Variants in RBFOX1 observed in about 807,000 individuals in gnomAD.
RBFOX1 encodes the protein RNA binding protein fox-1 homolog 1.
Under a neutral mutation model 57.7 loss-of-function variants are expected in RBFOX1, and 8 were observed. The observed-to-expected ratio is 0.14, with a 90% CI of 0.08 to 0.25. The LOEUF is 0.25. Ranked by LOEUF, RBFOX1 falls within the 10% of genes least tolerant of loss-of-function variation. The pLI is 1.00. For missense variants in RBFOX1, 611 were observed against 548.5 expected, an observed-to-expected ratio of 1.11 and a Z score of -1.14; for synonymous variants, 326 against 222.4, an observed-to-expected ratio of 1.47 and a Z score of -4.15.
At chr16:6,295,462 G>C (rs1391837769) in intron 1 of RBFOX1, among the ~76,000 whole-genome samples, 2 of 152,122 alleles carry the variant, frequency 1.3e-5, no homozygotes, top group Non-Finnish European at 2.9e-5. Flanking sequence ...TGTATGCTCA[G>C]CCTTCCAGCC....
At chr16:6,109,060 A>G (rs1343384194) in intron 1 of RBFOX1, among the ~76,000 whole-genome samples, 1 of 152,222 alleles carries the variant, frequency 6.6e-6, no homozygotes, top group Non-Finnish European at 1.5e-5. Flanking sequence ...TGGGTTAGAA[A>G]TAAAACTTGA....
intron 4 of RBFOX1, among the ~76,000 whole-genome samples, chr16:7,112,612 G>C (rs1034462404): frequency 1.1e-4 from 16 of 151,474 alleles, no homozygotes; most frequent in South Asian, 1.0e-3. Context: ...ATAAATAATG[G>C]CTGAGGCTGA....
chr16:7,292,833 G>A lies in RBFOX1; in HGVS notation c.28-225314G>A, dbSNP rs114452505. On this transcript the variant is annotated intron_variant, in intron 4 of 15. Coordinates refer to ENST00000550418, the MANE Select transcript of RBFOX1 (RefSeq NM_018723.4). ...AGCACAATAGGTCTTGTAATGGAGC[G>A]TACAGGTTTGGTTTGGAAAGATGGC... 3.2e-3 allele frequency among the ~76,000 whole-genome samples: 484 copies of A among 152,152 alleles called. 1 individual carries two copies. The highest frequency in any genetic ancestry group is 0.011 in the African/African-American group (443 of 41,500).
At chr16:7,331,881 C>A (rs1461935292) in intron 4 of RBFOX1, among the ~76,000 whole-genome samples, 1 of 152,046 alleles carries the variant, frequency 6.6e-6, no homozygotes. Context: ...TAACATATCC[C>A]AAATGATTGC....
At position 6,181,252 on chromosome 16, in the gene RBFOX1, C is replaced by T. The variant is rs140202727; in HGVS notation, c.-126-135743C>T. ...GAAAACACATGAGCTCCTTTTGGAC[C>T]ATGGCAACTGAGCTGCCAGTACTCA... On this transcript the variant is annotated intron_variant, in intron 1 of 15. Transcript: ENST00000550418. Among the ~76,000 whole-genome samples the T allele has an allele frequency of 4.9e-3, 742 of 152,264 alleles. 6 individuals carry two copies. The highest frequency in any genetic ancestry group is 7.1e-3 in the Non-Finnish European group (480 of 68,030).
rs952496246 is a variant in RBFOX1 at position 7,466,074 on chromosome 16, T to C, written c.28-52073T>C. ...TTGGAGTAAACCTGCTCAGAGACTT[T>C]CTCCAGGATTAGCTAGCCCTGGGGC... is the stretch of plus-strand genomic sequence containing the variant. On this transcript the variant is annotated intron_variant, in intron 4 of 15. Transcript: ENST00000550418. 5.9e-5 allele frequency among the ~76,000 whole-genome samples: 9 copies of C among 152,274 alleles called. No individual in the cohort carries two copies. In the East Asian group the frequency reaches 1.5e-3, roughly 26 times the overall value.
intron 1 of RBFOX1, among the ~76,000 whole-genome samples, chr16:5,329,329 A>C (rs1567341257): frequency 6.6e-6 from 1 of 152,156 alleles, no homozygotes; most frequent in Non-Finnish European, 1.5e-5. Flanking sequence ...GGTGAAGGGG[A>C]AGCAGACATG....
intron 1 of RBFOX1, among the ~76,000 whole-genome samples, chr16:5,414,754 G>C (rs1215554989): frequency 6.6e-6 from 1 of 152,140 alleles, no homozygotes; most frequent in Non-Finnish European, 1.5e-5. Flanking sequence ...TGACTGGTTG[G>C]ATCTTAAGGG....
intron 3 of RBFOX1, among the ~76,000 whole-genome samples, chr16:6,773,440 T>C (rs1047090494): frequency 3.8e-5 from 5 of 130,710 alleles, no homozygotes; most frequent in African/African-American, 1.5e-4. Flanking sequence ...GCATTTGTCT[T>C]GGGGGGCATA....
intron 4 of RBFOX1, among the ~76,000 whole-genome samples, chr16:7,219,048 C>T (rs79531923): frequency 2.0e-5 from 3 of 152,122 alleles, no homozygotes; most frequent in Non-Finnish European, 4.4e-5. Context: ...AGACAAAGCA[C>T]GCCTTTGTAA....
Position 7,708,959 on chromosome 16 carries a change from G to A in RBFOX1, c.996-97G>A, listed in dbSNP as rs2083385586. 25 of 1,088,034 alleles carry A rather than the reference G, an allele frequency of 2.3e-5. No homozygotes were observed. The Admixed American group carries it at 4.3e-4, about 18-fold the overall frequency. 67.4% of individuals were successfully genotyped at this position (1,088,034 alleles called of 1,614,324 possible). A position where few individuals can be genotyped will look rare whatever the true frequency, so the allele number is the denominator to read the frequency against. On this transcript the variant is annotated intron_variant, in intron 14 of 15. Transcript: ENST00000550418. ...TTGCTTCTCACTGGAAGATGAGTAG[G>A]GCCCCTGCATACTGTCTTGGTATTT...
chr16:6,339,894 G>A (rs917645), intron 2 of RBFOX1, among the ~76,000 whole-genome samples: 29,109 of 151,642 alleles, frequency 0.19, 3,210 homozygotes, highest in African/African-American at 0.3. Context: ...GGCCAGGCTG[G>A]TCTTGAACTC....
chr16:6,756,054 AG>A (rs1283529591), intron 3 of RBFOX1, among the ~76,000 whole-genome samples: 2 of 152,188 alleles, frequency 1.3e-5, no homozygotes, highest in African/African-American at 4.8e-5. Context: ...GGTGCCTCCC[AG>A]GGAGTGACCA....
chr16:6,645,172 A>T (rs2098523747), intron 2 of RBFOX1, among the ~76,000 whole-genome samples: 1 of 152,126 alleles, frequency 6.6e-6, no homozygotes, highest in Non-Finnish European at 1.5e-5. Flanking sequence ...CTGTCTCTTA[A>T]AAGGATACTT....
intron 3 of RBFOX1, among the ~76,000 whole-genome samples, chr16:6,658,147 G>A (rs1207755063): frequency 6.6e-6 from 1 of 151,936 alleles, no homozygotes; most frequent in South Asian, 2.1e-4. Flanking sequence ...CAATGGGGCC[G>A]ATTATCTTGA....
chr16:7,604,356 T>A (rs1460135272), intron 9 of RBFOX1, among the ~76,000 whole-genome samples: 1 of 152,200 alleles, frequency 6.6e-6, no homozygotes, highest in East Asian at 1.9e-4. Flanking sequence ...CATGTTCCCA[T>A]GATGACCCAA....
In RBFOX1 at chr16:6,029,045, T is replaced by C. The variant is rs1596498359; in HGVS notation, c.-127+9053T>C. Among the ~76,000 whole-genome samples, 8 of 152,266 alleles carry C rather than the reference T, an allele frequency of 5.3e-5. No individual in the cohort carries two copies. The South Asian group carries it at 1.7e-3, about 32-fold the overall frequency. On this transcript the variant is annotated intron_variant, in intron 1 of 15. Transcript: ENST00000550418. Reference sequence around the variant, plus strand: ...CAAGGATGGCTACCTGGGAGTGAGTTAAGTCAAGCAGCAATCACACAGACT... The same window carrying C: ...CAAGGATGGCTACCTGGGAGTGAGTCAAGTCAAGCAGCAATCACACAGACT...
chr16:7,416,502 G>C (rs1597897404), intron 4 of RBFOX1, among the ~76,000 whole-genome samples: 1 of 152,188 alleles, frequency 6.6e-6, no homozygotes, highest in East Asian at 1.9e-4. Flanking sequence ...GTGCTGGGAG[G>C]GGGGCCTTGT....
At chr16:6,347,800 A>T (rs2085637292) in intron 2 of RBFOX1, among the ~76,000 whole-genome samples, 1 of 152,224 alleles carries the variant, frequency 6.6e-6, no homozygotes, top group South Asian at 2.1e-4. Context: ...TGCCTGGCCC[A>T]TTCCTCTAAC....
Sources: gnomAD v4.1 joint callset for allele counts (sites outside exome capture counted in the v4.1 genomes callset) on GRCh38, gnomAD v4.1.1 for gene constraint, MANE v1.5 for transcripts, NCBI Gene and HGNC (gene_info 2026-07-23, HGNC 2026-07-21) for gene names.